POLR3B: variants seen among roughly 807,000 people sequenced by gnomAD.
The protein encoded by POLR3B is DNA-directed RNA polymerase III subunit RPC2.
POLR3B carries 96 observed loss-of-function variants against 147.4 expected under a neutral mutation model. The observed-to-expected ratio is 0.65, with a 90% CI of 0.55 to 0.77. POLR3B has a LOEUF of 0.77. Among genes scored for constraint, POLR3B ranks in the 30% least tolerant of loss-of-function variants. The pLI, the probability that POLR3B is intolerant of heterozygous loss-of-function variation, is 0.00. For synonymous variants in POLR3B, 461 were observed against 485.9 expected (o/e 0.95, Z 0.67); for missense variants, 1,036 against 1,413.5 (o/e 0.73, Z 4.28).
In POLR3B at chr12:106,380,111, A is replaced by T. The variant is rs1182260148; in HGVS notation, c.695A>T (p.Glu232Val). 6.2e-7 allele frequency: 1 copy of T among 1,601,384 alleles called. No individual in the cohort carries two copies. The highest frequency in any genetic ancestry group is 8.6e-7 in the Non-Finnish European group (1 of 1,168,538). ...RFYLRHNTLS[E>V]DIPIVIIFKA... Reference sequence around the variant, plus strand: ...TATTTGAGGCATAATACTTTGTCAGAAGATATACCCATTGTCATCATATTT... The same window carrying T: ...TATTTGAGGCATAATACTTTGTCAGTAGATATACCCATTGTCATCATATTT... Residue 232 changes from glutamate (E) to valine (V), a missense_variant, in exon 9 of 28, where the codon GAA becomes GTA. Glu to Val is a moderately radical substitution (Grantham distance 121). This residue lies in a region of POLR3B where 217 missense variants were observed against 288.7 expected (regional missense o/e 0.75). Transcript: ENST00000228347.
chr12:106,446,097 C>A, intron 19 of POLR3B: 1 of 300,248 alleles, frequency 3.3e-6, no homozygotes, highest in South Asian at 2.9e-5. Flanking sequence ...TGATTTCCCG[C>A]TTGTGCTTCT....
At chr12:106,455,049 A>G (rs1393967103) in intron 20 of POLR3B, among the ~76,000 whole-genome samples, 1 of 152,222 alleles carries the variant, frequency 6.6e-6, no homozygotes, top group African/African-American at 2.4e-5. Context: ...CACTGTGTCT[A>G]GTGATACATA....
intron 18 of POLR3B, among the ~76,000 whole-genome samples, chr12:106,438,492 CAT>C (rs971421702): frequency 3.6e-4 from 55 of 150,848 alleles, no homozygotes; most frequent in African/African-American, 1.3e-3. Context: ...TATATAAAAC[CAT>C]ATATATGTTT....
Position 106,463,462 on chromosome 12 carries a change from T to A in POLR3B, c.2571-16T>A, listed in dbSNP as rs1205628579. Reference sequence around the variant, plus strand: ...AGTTTGAAAACTCTGTTTTAGTGACTTTCTCTTAACACCAGCTACAAAGGA... The same window carrying A: ...AGTTTGAAAACTCTGTTTTAGTGACATTCTCTTAACACCAGCTACAAAGGA... On this transcript the variant is annotated splice_polypyrimidine_tract_variant and intron_variant, in intron 22 of 27. Transcript: ENST00000228347. 1.6e-5 allele frequency: 26 copies of A among 1,612,324 alleles called. No homozygotes were observed. The highest frequency in any genetic ancestry group is 2.2e-5 in the Non-Finnish European group (26 of 1,178,670).
At chr12:106,485,717 T>A (rs183302369) in intron 23 of POLR3B, among the ~76,000 whole-genome samples, 1 of 152,204 alleles carries the variant, frequency 6.6e-6, no homozygotes, top group East Asian at 1.9e-4. Flanking sequence ...TAAAGAATAG[T>A]TTTTTGGCAT....
chr12:106,375,965 C>G lies in POLR3B; in HGVS notation c.405-394C>G, dbSNP rs559443121. On this transcript the variant is annotated intron_variant, in intron 6 of 27. Transcript: ENST00000228347. ...GTTCAAGCGATTCTCCTGTCTCAGC[C>G]TCCTGAGTAGCTGGGACTACCGGCA... 3.7e-3 allele frequency among the ~76,000 whole-genome samples: 562 copies of G among 152,316 alleles called. 4 individuals carry two copies. The highest frequency in any genetic ancestry group is 0.013 in the African/African-American group (529 of 41,558).
At chr12:106,425,076 C>A (rs1310561722) in intron 12 of POLR3B, among the ~76,000 whole-genome samples, 1 of 152,094 alleles carries the variant, frequency 6.6e-6, no homozygotes, top group Non-Finnish European at 1.5e-5. Flanking sequence ...TTTATTGCTT[C>A]TTTTCCAATA....
chr12:106,450,322 T>C (rs2037779135), intron 19 of POLR3B, among the ~76,000 whole-genome samples: 1 of 152,170 alleles, frequency 6.6e-6, no homozygotes, highest in African/African-American at 2.4e-5. Flanking sequence ...TGAGTTGAGC[T>C]AAGATTTCCT....
intron 11 of POLR3B, 86 bp from the exon 12 acceptor site, chr12:106,410,740 A>C: frequency 1.9e-6 from 2 of 1,063,334 alleles, no homozygotes; most frequent in South Asian, 1.3e-5. Context: ...TCTTAGTTGA[A>C]TGTTATAGTA....
At chr12:106,446,137 C>T in intron 19 of POLR3B, 1 of 434,628 alleles carries the variant, frequency 2.3e-6, no homozygotes, top group Non-Finnish European at 4.6e-6. Context: ...ATATACAGTA[C>T]TGAACCCTGT....
At position 106,369,568 on chromosome 12, in the gene POLR3B, C is replaced by T. The variant is rs1240322278; in HGVS notation, c.304-15C>T. On this transcript the variant is annotated splice_polypyrimidine_tract_variant and intron_variant, in intron 5 of 27. Transcript: ENST00000228347. The stretch of plus-strand genomic sequence containing the variant: ...GAGAGGAGCAGTAACTGTCAGATTC[C>T]TGATTCTCTTTCAGTGCCGTTTGAG... 1.3e-6 allele frequency: 2 copies of T among 1,551,578 alleles called. No homozygotes were observed. Among genetic ancestry groups the T allele is most frequent in the Non-Finnish European group, 1.8e-6 (2 of 1,122,932 alleles).
chr12:106,390,434 C>A (rs936732821), intron 9 of POLR3B, among the ~76,000 whole-genome samples: 3 of 151,612 alleles, frequency 2.0e-5, no homozygotes, highest in Non-Finnish European at 4.4e-5. Context: ...ACATATGTGC[C>A]ATCACCATCA....
intron 2 of POLR3B, among the ~76,000 whole-genome samples, chr12:106,365,036 A>G (rs2036515307): frequency 6.6e-6 from 1 of 152,016 alleles, no homozygotes; most frequent in African/African-American, 2.4e-5. Flanking sequence ...TTGGGAGGAT[A>G]AGGCAGGAGA....
chr12:106,459,602 A>G (rs1236947490), intron 22 of POLR3B, among the ~76,000 whole-genome samples: 1 of 152,198 alleles, frequency 6.6e-6, no homozygotes, highest in Non-Finnish European at 1.5e-5. Flanking sequence ...TGGTGGAATT[A>G]ACAACAGGAT....
chr12:106,506,535 C>G (rs1019230204), intron 27 of POLR3B, among the ~76,000 whole-genome samples: 2 of 152,192 alleles, frequency 1.3e-5, no homozygotes, highest in African/African-American at 4.8e-5. Flanking sequence ...GCGATTGATC[C>G]TTCAGCATTA....
chr12:106,409,425 T>A (rs894598679), intron 11 of POLR3B, among the ~76,000 whole-genome samples: 4 of 147,476 alleles, frequency 2.7e-5, no homozygotes. Context: ...TTGATGTAAT[T>A]GTTTTGTGGG....
At chr12:106,394,761 G>A (rs2136919021) in intron 10 of POLR3B, among the ~76,000 whole-genome samples, 1 of 152,330 alleles carries the variant, frequency 6.6e-6, no homozygotes. Context: ...AAAGATGGAA[G>A]GAAGTTAACA....
chr12:106,507,766 C>T (rs1403710412), intron 27 of POLR3B: 1 of 455,754 alleles, frequency 2.2e-6, no homozygotes, highest in Non-Finnish European at 4.4e-6. Context: ...GCATAGTTAC[C>T]ACCACCACGT....
intron 9 of POLR3B, among the ~76,000 whole-genome samples, chr12:106,383,681 G>A (rs941779162): frequency 4.0e-5 from 6 of 151,888 alleles, no homozygotes; most frequent in African/African-American, 7.3e-5. Flanking sequence ...AAATAGTAAC[G>A]TCAAAGAACA....
Sources: gnomAD v4.1 joint callset for allele counts (sites outside exome capture counted in the v4.1 genomes callset) on GRCh38, gnomAD v4.1.1 for gene constraint, gnomAD v4.1.1 regional missense constraint, MANE v1.5 for transcripts, NCBI Gene and HGNC (gene_info 2026-07-23, HGNC 2026-07-21) for gene names.